Variants in TAAR5 observed in about 807,000 individuals in gnomAD.
TAAR5 encodes trace amine-associated receptor 5.
Under a neutral mutation model 21.1 loss-of-function variants are expected in TAAR5, and 27 were observed. The ratio of observed to expected loss-of-function variants is 1.28; its 90% CI spans 0.94 to 1.76. TAAR5 has a LOEUF of 1.76. Among genes scored for constraint, TAAR5 ranks in the 40% most tolerant of loss-of-function variants. The probability of loss-of-function intolerance (pLI) is 0.00; values close to 1 mark genes in which losing one functional copy is unlikely to be tolerated. For synonymous variants in TAAR5, 203 were observed against 167.5 expected (o/e 1.21, Z -1.64); for missense variants, 495 against 405.6 (o/e 1.22, Z -1.89).
At chr6:132,601,111 G>GGAGGGAAAGAA in the TAAR5 span, among the ~76,000 whole-genome samples, 12 of 29,940 alleles carry the variant, frequency 4.0e-4, no homozygotes, top group Non-Finnish European at 5.5e-4. Context: ...GAGGGAAGAA[G>GGAGGGAAAGAA]GGAAGGAGGG....
the TAAR5 span, among the ~76,000 whole-genome samples, chr6:132,606,069 A>T: frequency 6.6e-6 from 1 of 152,190 alleles, no homozygotes; most frequent in Admixed American, 6.5e-5. Context: ...ACACATGGTC[A>T]TAAAAATGGT....
the TAAR5 span, among the ~76,000 whole-genome samples, chr6:132,614,246 C>A: frequency 6.6e-6 from 1 of 152,158 alleles, no homozygotes; most frequent in African/African-American, 2.4e-5. Context: ...GAGGAAAGTG[C>A]ATTTTAGCAT....
chr6:132,589,989 A>C (rs1353437121), upstream of TAAR5, among the ~76,000 whole-genome samples: 1 of 152,190 alleles, frequency 6.6e-6, no homozygotes, highest in Admixed American at 6.5e-5. Flanking sequence ...TTAAAGAAAG[A>C]AAAGAAGGAT....
At chr6:132,607,303 C>T in the TAAR5 span, among the ~76,000 whole-genome samples, 1 of 152,026 alleles carries the variant, frequency 6.6e-6, no homozygotes, top group Admixed American at 6.6e-5. Context: ...CAACATAATC[C>T]CAGGTATGAG....
At chr6:132,595,344 C>T in the TAAR5 span, 2 of 152,602 alleles carry the variant, frequency 1.3e-5, no homozygotes, top group Non-Finnish European at 2.9e-5. Context: ...CCCAGACACT[C>T]AGCACCGGCC....
chr6:132,614,577 T>C, the TAAR5 span, among the ~76,000 whole-genome samples: 2 of 152,320 alleles, frequency 1.3e-5, no homozygotes, highest in South Asian at 4.1e-4. Flanking sequence ...ACCCAGTACC[T>C]TCCCTTTCCT....
the TAAR5 span, among the ~76,000 whole-genome samples, chr6:132,601,749 C>T: frequency 4.4e-4 from 67 of 152,094 alleles, no homozygotes; most frequent in Non-Finnish European, 9.0e-4. Flanking sequence ...AAATGAAACT[C>T]TAATATGTGA....
At chr6:132,591,799 T>C (rs1322571815), upstream of TAAR5, among the ~76,000 whole-genome samples, 4 of 152,244 alleles carry the variant, frequency 2.6e-5, no homozygotes, top group African/African-American at 9.6e-5. Flanking sequence ...AAATGTAATA[T>C]GTAACACAAT....
chr6:132,608,372 T>C, the TAAR5 span: 1 of 455,878 alleles, frequency 2.2e-6, no homozygotes, highest in South Asian at 1.5e-5. Context: ...GGGTTGCAAG[T>C]AGAGTTGAAG....
At chr6:132,594,421 G>T (rs371729651), upstream of TAAR5, 1 of 152,098 alleles carries the variant, frequency 6.6e-6, no homozygotes, top group Admixed American at 6.6e-5. Flanking sequence ...GGCTTAGGGT[G>T]GAAGAGTCAG....
rs374736057 is a variant in TAAR5, at chr6:132,589,690, T to C, written c.-4A>G. ...CTTGGATGAAGACAGCTCTCATTTATGATTTCTACTCTTCCTCTGTCTGAG... is the reference window on the plus strand; with the variant it reads ...CTTGGATGAAGACAGCTCTCATTTACGATTTCTACTCTTCCTCTGTCTGAG... On this transcript the variant is annotated 5_prime_UTR_variant, in exon 1 of 1. Coordinates refer to ENST00000258034, the MANE Select transcript of TAAR5 (RefSeq NM_003967.3). 7 of 1,524,248 alleles carry C rather than the reference T, an allele frequency of 4.6e-6. No homozygotes were observed. The highest frequency in any genetic ancestry group is 2.9e-5 in the African/African-American group (2 of 68,902). 94.4% of individuals were successfully genotyped at this position (1,524,248 alleles called of 1,614,324 possible). A position where few individuals can be genotyped will look rare whatever the true frequency, so the allele number is the denominator to read the frequency against.
chr6:132,593,166 G>A (rs1382236275), upstream of TAAR5, among the ~76,000 whole-genome samples: 4 of 152,264 alleles, frequency 2.6e-5, no homozygotes, highest in East Asian at 7.7e-4. Flanking sequence ...TGATGCTACA[G>A]TCTTTGGTCA....
the TAAR5 span, chr6:132,608,914 A>G: frequency 1.1e-5 from 5 of 455,992 alleles, no homozygotes; most frequent in East Asian, 3.5e-4. Flanking sequence ...AATGGAACAG[A>G]GGTGGAAAAT....
the TAAR5 span, among the ~76,000 whole-genome samples, chr6:132,611,313 T>C: frequency 6.7e-6 from 1 of 150,362 alleles, no homozygotes; most frequent in Non-Finnish European, 1.5e-5. Context: ...AAGGAGGGAA[T>C]GGTTAATAGG....
At chr6:132,603,011 G>A in the TAAR5 span, among the ~76,000 whole-genome samples, 1 of 152,006 alleles carries the variant, frequency 6.6e-6, no homozygotes, top group African/African-American at 2.4e-5. Flanking sequence ...GACAAAGGGA[G>A]TTAAGAAAAT....
At chr6:132,600,912 A>AGAAG in the TAAR5 span, among the ~76,000 whole-genome samples, 504 of 43,638 alleles carry the variant, frequency 0.012, 42 homozygotes, top group African/African-American at 0.045. Flanking sequence ...AAGGAGGGAA[A>AGAAG]GAAGGAAGGA....
At chr6:132,604,976 C>T in the TAAR5 span, among the ~76,000 whole-genome samples, 4 of 152,184 alleles carry the variant, frequency 2.6e-5, no homozygotes, top group Admixed American at 6.5e-5. Flanking sequence ...TCCAGATGGC[C>T]TTTCCTAGAG....
chr6:132,608,418 G>T, the TAAR5 span: 4 of 455,818 alleles, frequency 8.8e-6, no homozygotes, highest in African/African-American at 8.0e-5. Flanking sequence ...ATATTAGTAT[G>T]GGAGTGGAGT....
chr6:132,604,289 C>T, the TAAR5 span, among the ~76,000 whole-genome samples: 1 of 151,524 alleles, frequency 6.6e-6, no homozygotes, highest in Non-Finnish European at 1.5e-5. Flanking sequence ...ACTACATGAG[C>T]GTGCCACCAT....
Sources: gnomAD v4.1 joint callset for allele counts (sites outside exome capture counted in the v4.1 genomes callset) on GRCh38, gnomAD v4.1.1 for gene constraint, MANE v1.5 for transcripts, NCBI Gene and HGNC (gene_info 2026-07-23, HGNC 2026-07-21) for gene names.